Variants in SLC41A3 observed in about 807,000 individuals in gnomAD.
The protein encoded by SLC41A3 is SLC41A1-like 2.
Under a neutral mutation model 45.4 loss-of-function variants are expected in SLC41A3, and 44 were observed. The observed-to-expected ratio is 0.97, with a 90% confidence interval of 0.76 to 1.25. The LOEUF is 1.25. SLC41A3 is among the 50% of genes most tolerant of loss of function. SLC41A3 has a pLI of 0.00. For synonymous variants in SLC41A3, 256 were observed against 252.4 expected (o/e 1.01, Z -0.13); for missense variants, 550 against 600.6 (o/e 0.92, Z 0.88).
chr3:126,059,247 G>GA (rs1198131125), intron 2 of SLC41A3, among the ~76,000 whole-genome samples: 2 of 1,836 alleles, frequency 1.1e-3, no homozygotes, highest in Non-Finnish European at 0.012. Context: ...AAGAAAGAAA[G>GA]AAAGAAAGAA....
chr3:126,012,195 CCAA>C (rs1007716962), intron 9 of SLC41A3, among the ~76,000 whole-genome samples: 2 of 152,246 alleles, frequency 1.3e-5, no homozygotes, highest in African/African-American at 2.4e-5. Context: ...CCTCCTCCTC[CCAA>C]CAACACCCAC....
At chr3:126,056,720 C>A in intron 2 of SLC41A3, 1 of 1,435,192 alleles carries the variant, frequency 7.0e-7, no homozygotes, top group Non-Finnish European at 9.1e-7. Context: ...AACAGCCCCT[C>A]GGCTGAGGGC....
chr3:126,097,236 CT>C (rs1945621070), intron 1 of SLC41A3, among the ~76,000 whole-genome samples: 1 of 152,136 alleles, frequency 6.6e-6, no homozygotes, highest in African/African-American at 2.4e-5. Flanking sequence ...CCATCTGAGG[CT>C]TTCTTCCTTT....
At chr3:126,055,502 A>T (rs548610072) in intron 2 of SLC41A3, among the ~76,000 whole-genome samples, 14 of 152,298 alleles carry the variant, frequency 9.2e-5, no homozygotes, top group African/African-American at 3.4e-4. Flanking sequence ...CGACAGGGCA[A>T]GACTCTGTCT....
chr3:126,027,994 T>A (rs998693089), intron 4 of SLC41A3, among the ~76,000 whole-genome samples: 1 of 152,228 alleles, frequency 6.6e-6, no homozygotes, highest in Non-Finnish European at 1.5e-5. Flanking sequence ...TATGCTCATA[T>A]GCATGAGCAA....
chr3:126,011,857 C>A (rs568238446), intron 9 of SLC41A3, among the ~76,000 whole-genome samples: 1 of 152,276 alleles, frequency 6.6e-6, no homozygotes, highest in Middle Eastern at 3.4e-3. Context: ...ACAGCCAACC[C>A]AAAAGAAGGC....
rs114108807 is a variant in SLC41A3 at position 126,038,915 on chromosome 3, T to C, written c.382-5237A>G. On this transcript the variant is annotated intron_variant, in intron 3 of 10. Transcript: ENST00000360370. ...GGTCATGGGGGTGGATCCTTCATGA[T>C]TGGCTGGGTGCCCTCCTCATGGTAA... Among the ~76,000 whole-genome samples the C allele has an allele frequency of 7.6e-3, 1,153 of 152,196 alleles. 16 individuals carry two copies. The highest frequency in any genetic ancestry group is 0.027 in the African/African-American group (1,112 of 41,520).
At chr3:126,045,729 G>T (rs1003063526) in intron 3 of SLC41A3, among the ~76,000 whole-genome samples, 2 of 152,078 alleles carry the variant, frequency 1.3e-5, no homozygotes. Flanking sequence ...CTGTCCCAAA[G>T]AATTGAAGAG....
chr3:126,099,543 C>G lies in SLC41A3; in HGVS notation c.-79+1886G>C, dbSNP rs367717263. 2.9e-4 allele frequency among the ~76,000 whole-genome samples: 44 copies of G among 152,258 alleles called. No homozygotes were observed. The East Asian group carries it at 8.1e-3, about 28-fold the overall frequency. On this transcript the variant is annotated intron_variant, in intron 1 of 9. Coordinates refer to the SLC41A3 transcript ENST00000508835. ...TCTGGCCAACATGGTGAAACCCCGTCTCTACTAAAAATACAAAAATTAGCC... is the reference window on the plus strand; with the variant it reads ...TCTGGCCAACATGGTGAAACCCCGTGTCTACTAAAAATACAAAAATTAGCC...
rs139317751 is a variant in SLC41A3 at position 126,068,146 on chromosome 3, G to A, written c.74C>T (p.Pro25Leu). Residue 25 changes from proline to leucine, a missense_variant, in exon 2 of 11, where the codon CCC (proline) becomes CTC (leucine). Coordinates refer to ENST00000360370, the MANE Select transcript of SLC41A3 (RefSeq NM_017836.4). ...GKPGELGLPH[P>L]LSTGGLPVAS... is the part of the protein sequence containing the mutation. ...TACAGGGAGTCCTCCTGTGCTGAGGGGGTGAGGAAGCCCCAGCTCCCCTGG... is the reference window on the plus strand; with the variant it reads ...TACAGGGAGTCCTCCTGTGCTGAGGAGGTGAGGAAGCCCCAGCTCCCCTGG... 4.4e-6 allele frequency: 7 copies of A among 1,602,732 alleles called. No individual in the cohort carries two copies. In the African/African-American group the frequency reaches 6.7e-5, roughly 15 times the overall value.
chr3:126,041,170 G>A (rs938299062), intron 3 of SLC41A3, among the ~76,000 whole-genome samples: 1 of 151,472 alleles, frequency 6.6e-6, no homozygotes, highest in African/African-American at 2.4e-5. Flanking sequence ...AAATGGAGCA[G>A]AAGAATTCTA....
chr3:126,052,129 CAGCTCTGATGG>C, intron 2 of SLC41A3, among the ~76,000 whole-genome samples: 1 of 152,278 alleles, frequency 6.6e-6, no homozygotes, highest in East Asian at 1.9e-4. Flanking sequence ...AATCCAGTTC[CAGCTCTGATGG>C]AGTTCTGAGT....
rs116683025 is a variant in SLC41A3 at position 126,063,055 on chromosome 3, A to C, written c.273+4892T>G. Among the ~76,000 whole-genome samples the C allele has an allele frequency of 2.3e-3, 353 of 152,294 alleles. 2 individuals carry two copies. The highest frequency in any genetic ancestry group is 7.6e-3 in the African/African-American group (316 of 41,546). On this transcript the variant is annotated intron_variant, in intron 2 of 10. Coordinates refer to ENST00000360370, the MANE Select transcript of SLC41A3 (RefSeq NM_017836.4). The stretch of plus-strand genomic sequence containing the variant: ...CTGCACTGTGCACCATCAGAGGAGT[A>C]GCTGCTGGACACATGCTGGGCTCTC...
chr3:126,083,831 GGCCCCACCCC>G (rs1945290932), intron 1 of SLC41A3: 3 of 144,186 alleles, frequency 2.1e-5, no homozygotes, highest in Admixed American at 1.4e-4. Context: ...CCCCAGGCAT[GGCCCCACCCC>G]GCCCCAGGCC....
intron 6 of SLC41A3, 122 bp from the exon 7 acceptor site, chr3:126,016,997 A>G (rs1008669541): frequency 2.5e-6 from 3 of 1,224,358 alleles, no homozygotes; most frequent in African/African-American, 3.2e-5. Context: ...TTGAGGGGGA[A>G]CTGCCTTGCC....
chr3:126,067,011 A>C (rs1944377379), intron 2 of SLC41A3, among the ~76,000 whole-genome samples: 1 of 144,832 alleles, frequency 6.9e-6, no homozygotes, highest in Non-Finnish European at 1.5e-5. Context: ...CCTTAGCTGG[A>C]TTGACAGGCA....
chr3:126,069,077 C>T lies in SLC41A3; in HGVS notation c.-27-831G>A, dbSNP rs559230149. Among the ~76,000 whole-genome samples the T allele has an allele frequency of 1.8e-3, 261 of 142,910 alleles. 1 individual carries two copies. The highest frequency in any genetic ancestry group is 6.8e-3 in the Admixed American group (98 of 14,512). 93.8% of individuals were successfully genotyped at this position (142,910 alleles called of 152,430 possible). On this transcript the variant is annotated intron_variant, in intron 1 of 10. Transcript: ENST00000360370. ...ACTCTGGGCATCTATTAGGTTGGTG[C>T]GAAAGTAATTGCAGTTTTTGCTATT...
At chr3:126,081,732 G>C (rs569947681) in intron 1 of SLC41A3, among the ~76,000 whole-genome samples, 115 of 152,322 alleles carry the variant, frequency 7.5e-4, no homozygotes, top group Non-Finnish European at 1.4e-3. Flanking sequence ...CACAGCCACA[G>C]GGCTCTGGGT....
chr3:126,006,868 T>C lies in SLC41A3; in HGVS notation c.*148A>G. 6.6e-7 allele frequency: 1 copy of C among 1,503,786 alleles called. No homozygotes were observed. The highest frequency in any genetic ancestry group is 2.3e-5 in the Admixed American group (1 of 43,546). The allele number at this position is 1,503,786 out of a possible 1,614,324, so 93.2% of individuals were successfully genotyped here. On this transcript the variant is annotated 3_prime_UTR_variant, in exon 11 of 11. Coordinates refer to ENST00000360370, the MANE Select transcript of SLC41A3 (RefSeq NM_017836.4). ...AGGTATCAACCCCAGAGCCGAGGTGTGTGAGAGCTACCTTAGCAGACTCAC... is the reference window on the plus strand; with the variant it reads ...AGGTATCAACCCCAGAGCCGAGGTGCGTGAGAGCTACCTTAGCAGACTCAC...
Sources: gnomAD v4.1 joint callset for allele counts (sites outside exome capture counted in the v4.1 genomes callset) on GRCh38, gnomAD v4.1.1 for gene constraint, MANE v1.5 for transcripts, NCBI Gene and HGNC (gene_info 2026-07-23, HGNC 2026-07-21) for gene names.